The following SYMPK variants were observed in gnomAD, a reference collection of about 807,000 sequenced individuals.
The protein encoded by SYMPK is symplekin scaffold protein.
A neutral mutation model predicts 136.4 loss-of-function variants in SYMPK; 49 were observed. The observed-to-expected ratio is 0.36, with a 90% CI of 0.29 to 0.46. The LOEUF (loss-of-function observed/expected upper bound fraction) is 0.46. SYMPK is among the 20% of genes least tolerant of loss of function. The pLI is 1.00. For missense variants in SYMPK, 1,365 were observed against 1,690.0 expected, an observed-to-expected ratio of 0.81 and a Z score of 3.37; for synonymous variants, 766 against 713.0, an observed-to-expected ratio of 1.07 and a Z score of -1.19.
chr19:45,850,322 TCTGAGA>T (rs1971669349), intron 5 of SYMPK, among the ~76,000 whole-genome samples: 1 of 152,198 alleles, frequency 6.6e-6, no homozygotes, highest in African/African-American at 2.4e-5. Flanking sequence ...ACTTCACCTC[TCTGAGA>T]CTGTTTTCTC....
At chr19:45,830,280 C>A in intron 12 of SYMPK, 76 bp from the exon 13 acceptor site, 3 of 1,507,526 alleles carry the variant, frequency 2.0e-6, no homozygotes, top group Non-Finnish European at 2.7e-6. Flanking sequence ...CTCCCAACTT[C>A]AAGGACTAGG....
In SYMPK at chr19:45,815,669, T is replaced by G; in HGVS notation, c.3716A>C (p.Lys1239Thr). 1 of 1,610,280 alleles carries G rather than the reference T, an allele frequency of 6.2e-7. No individual in the cohort carries two copies. Among genetic ancestry groups the G allele is most frequent in the Non-Finnish European group, 8.5e-7 (1 of 1,178,968 alleles). Residue 1239 changes from lysine to threonine, a missense_variant, in exon 27 of 27, where the codon AAG (lysine) becomes ACG (threonine). Physicochemically the swap from Lys to Thr is moderately conservative, Grantham distance 78. Coordinates refer to ENST00000245934, the MANE Select transcript of SYMPK (RefSeq NM_004819.3). ...GAGGGTCTGGGGGCTCCGCTCCTCCTTCAAGGTCAGCCCGCCCGCTGCCGT... is the reference window on the plus strand; with the variant it reads ...GAGGGTCTGGGGGCTCCGCTCCTCCGTCAAGGTCAGCCCGCCCGCTGCCGT... ...KETAAGGLTL[K>T]EERSPQTLAP...
chr19:45,839,031 C>T (rs1971373246), intron 9 of SYMPK, among the ~76,000 whole-genome samples: 1 of 152,210 alleles, frequency 6.6e-6, no homozygotes, highest in Non-Finnish European at 1.5e-5. Context: ...GGATTATAGG[C>T]ATGCGCCACC....
At position 45,817,949 on chromosome 19, in the gene SYMPK, G is replaced by A; in HGVS notation, c.3081+10C>T. ...GCAGCCTGGAGGCGGGGTGGCCGGG[G>A]ATGGGTTACCTGCTTCATGATGAGG... On this transcript the variant is annotated intron_variant, in intron 23 of 26. Coordinates refer to ENST00000245934, the MANE Select transcript of SYMPK (RefSeq NM_004819.3). The A allele has an allele frequency of 2.6e-6, 4 of 1,559,658 alleles. No individual in the cohort carries two copies. The highest frequency in any genetic ancestry group is 2.6e-6 in the Non-Finnish European group (3 of 1,150,250).
At chr19:45,816,759 G>GGGTGGGGGGAAAGGGTACCT (rs781400460) in intron 24 of SYMPK, 39 bp downstream of exon 24, 397 of 1,494,348 alleles carry the variant, frequency 2.7e-4, no homozygotes, top group Non-Finnish European at 3.5e-4. Flanking sequence ...CGCACACCCT[G>GGGTGGGGGGAAAGGGTACCT]GGTGGGGGGA....
chr19:45,836,237 G>A (rs1323150463), intron 10 of SYMPK, among the ~76,000 whole-genome samples: 8 of 151,212 alleles, frequency 5.3e-5, no homozygotes, highest in South Asian at 2.1e-4. Flanking sequence ...GCCTGCCACC[G>A]CACCTGGCTA....
intron 13 of SYMPK, among the ~76,000 whole-genome samples, chr19:45,829,608 C>T (rs1971123224): frequency 1.3e-5 from 2 of 152,134 alleles, no homozygotes; most frequent in South Asian, 2.1e-4. Context: ...TCCTATACTA[C>T]TGGCTAATCA....
intron 16 of SYMPK, 43 bp from the exon 17 acceptor site, chr19:45,826,416 A>T: frequency 6.2e-7 from 1 of 1,603,626 alleles, no homozygotes; most frequent in Non-Finnish European, 8.5e-7. Context: ...GGAAGAGGTA[A>T]GAGGAAGAAC....
intron 1 of SYMPK, chr19:45,861,974 G>T (rs1478845216): frequency 6.6e-6 from 1 of 151,546 alleles, no homozygotes; most frequent in African/African-American, 2.4e-5. Context: ...GAACCAGGGA[G>T]GTGGAGGTTG....
intron 15 of SYMPK, 79 bp downstream of exon 15, chr19:45,827,758 A>C (rs1223739773): frequency 2.6e-6 from 4 of 1,542,214 alleles, no homozygotes; most frequent in Non-Finnish European, 3.6e-6. Context: ...CACAAGGTTT[A>C]GACTGTGTGC....
intron 5 of SYMPK, among the ~76,000 whole-genome samples, chr19:45,850,229 A>T (rs1971667011): frequency 6.6e-6 from 1 of 152,158 alleles, no homozygotes; most frequent in African/African-American, 2.4e-5. Context: ...TGGCCGACAG[A>T]GTGAGATTCC....
intron 19 of SYMPK, 90 bp from the exon 20 acceptor site, chr19:45,823,562 G>A: frequency 7.8e-7 from 1 of 1,274,082 alleles, no homozygotes; most frequent in Non-Finnish European, 1.1e-6. Context: ...AGGCAGGTGT[G>A]CAGGAAGGGA....
At chr19:45,828,474 TC>T (rs1971097526) in intron 14 of SYMPK, 1 of 177,076 alleles carries the variant, frequency 5.6e-6, no homozygotes, top group East Asian at 1.6e-4. Context: ...CTGTGTTTTA[TC>T]CCAAGACCAA....
chr19:45,839,153 T>C (rs962505653), intron 9 of SYMPK, among the ~76,000 whole-genome samples: 6 of 152,208 alleles, frequency 3.9e-5, no homozygotes, highest in African/African-American at 7.2e-5. Context: ...CCTCCCAAAG[T>C]GCTAGGATTA....
intron 15 of SYMPK, 72 bp downstream of exon 15, chr19:45,827,765 G>C: frequency 6.5e-7 from 1 of 1,535,770 alleles, no homozygotes; most frequent in Non-Finnish European, 9.0e-7. Context: ...TTTAGACTGT[G>C]TGCCCTTCAG....
intron 16 of SYMPK, among the ~76,000 whole-genome samples, chr19:45,826,786 C>A (rs1721222494): frequency 6.6e-6 from 1 of 151,996 alleles, no homozygotes; most frequent in Non-Finnish European, 1.5e-5. Flanking sequence ...ACCCCAGCAG[C>A]AGCACATGGC....
intron 7 of SYMPK, among the ~76,000 whole-genome samples, 153 bp from the exon 8 acceptor site, chr19:45,844,353 A>G (rs964170202): frequency 2.6e-5 from 4 of 152,190 alleles, no homozygotes; most frequent in Non-Finnish European, 4.4e-5. Flanking sequence ...GATTAGTTCT[A>G]TGAGACTATT....
intron 7 of SYMPK, among the ~76,000 whole-genome samples, chr19:45,847,102 A>G (rs1414105053): frequency 1.3e-5 from 2 of 151,896 alleles, no homozygotes; most frequent in African/African-American, 2.4e-5. Flanking sequence ...CCTATGTCCT[A>G]CTTTTATAAT....
In SYMPK at chr19:45,822,757, A is replaced by G. The variant is rs773515271; in HGVS notation, c.2790T>C (p.His930=). The part of the protein sequence containing the change: ...EVFNRLLGTQ[H]GEGNSALSPL... ...TGGGGATGAGGCTGCATCACCTACC[A>G]TGCTGGGTGCCCAGCAGGCGGTTGA... The change falls in exon 21 of 27, where the codon CAT becomes CAC. Residue 930 remains histidine (H), a splice_region_variant and synonymous_variant. Coordinates refer to ENST00000245934, the MANE Select transcript of SYMPK (RefSeq NM_004819.3). The G allele has an allele frequency of 1.9e-6, 3 of 1,613,316 alleles. No individual in the cohort carries two copies. The East Asian group carries it at 6.7e-5, about 36-fold the overall frequency.
Sources: gnomAD v4.1 joint callset for allele counts (sites outside exome capture counted in the v4.1 genomes callset) on GRCh38, gnomAD v4.1.1 for gene constraint, MANE v1.5 for transcripts, NCBI Gene and HGNC (gene_info 2026-07-23, HGNC 2026-07-21) for gene names.